DNAH2: variants seen among roughly 807,000 people sequenced by gnomAD.
DNAH2 encodes the protein dynein axonemal heavy chain 2.
Under a neutral mutation model 523.5 loss-of-function variants are expected in DNAH2, and 323 were observed. The observed-to-expected ratio is 0.62, with a 90% CI of 0.56 to 0.68. The LOEUF (loss-of-function observed/expected upper bound fraction) is 0.68. Among genes scored for constraint, DNAH2 ranks in the 30% least tolerant of loss-of-function variants. The pLI is 0.00. For missense variants in DNAH2, 4,907 were observed against 5,701.5 expected (o/e 0.86, Z 4.49); for synonymous variants, 2,093 against 2,177.4 (o/e 0.96, Z 1.08).
rs754746688 is a variant in DNAH2, at chr17:7,787,018, C to T, written c.6588C>T (p.Ile2196=). The T allele has an allele frequency of 1.3e-5, 21 of 1,613,974 alleles. No homozygotes were observed. In the East Asian group the frequency reaches 1.6e-4, roughly 12 times the overall value. ...KVLTLINGER[I]AMPEQVSLLF... ...TGACCCTCATCAACGGCGAGCGCAT[C>T]GCGATGCCCGAGCAGGTCAGGGACG... Residue 2196 remains isoleucine, a synonymous_variant, in exon 42 of 86, where the codon ATC becomes ATT. Transcript: ENST00000572933.
intron 28 of DNAH2, among the ~76,000 whole-genome samples, chr17:7,774,252 C>T (rs899805609): frequency 1.9e-4 from 29 of 152,078 alleles, no homozygotes; most frequent in African/African-American, 4.6e-4. Flanking sequence ...ATCTGATAAC[C>T]GAGAGGGCTA....
Position 7,786,079 on chromosome 17 carries a change from G to T in DNAH2, c.6130-45G>T, listed in dbSNP as rs749600314. On this transcript the variant is annotated intron_variant, in intron 39 of 85. Coordinates refer to ENST00000572933, the MANE Select transcript of DNAH2 (RefSeq NM_020877.5). This position sits in a 1 kb window ranked among gnomAD's most constrained non-coding sequence, Gnocchi z 7.5. ...GGGAGATTTTGAAAGCCCTTTAAAG[G>T]CCTCATCCTTTTTCTTCTGCTTGCT... 2.5e-6 allele frequency: 4 copies of T among 1,602,550 alleles called. No homozygotes were observed.
At chr17:7,766,532 C>T (rs746764072) in intron 22 of DNAH2, 51 bp downstream of exon 22, 3 of 1,567,056 alleles carry the variant, frequency 1.9e-6, no homozygotes, top group Admixed American at 1.7e-5. Flanking sequence ...GGGGCAGGGA[C>T]AGGAGAATGG....
intron 24 of DNAH2, among the ~76,000 whole-genome samples, chr17:7,769,427 G>T (rs2076257618): frequency 6.6e-6 from 1 of 152,210 alleles, no homozygotes; most frequent in Non-Finnish European, 1.5e-5. Flanking sequence ...CTCCCAAAGT[G>T]CTGGGATTAC....
intron 20 of DNAH2, 107 bp downstream of exon 20, chr17:7,764,380 G>A: frequency 2.1e-6 from 3 of 1,404,184 alleles, no homozygotes; most frequent in Non-Finnish European, 2.9e-6. Flanking sequence ...AGCAGGAGGA[G>A]ACTCTAGATT....
chr17:7,800,441 T>C (rs2077190822), intron 56 of DNAH2, among the ~76,000 whole-genome samples: 1 of 152,208 alleles, frequency 6.6e-6, no homozygotes, highest in Non-Finnish European at 1.5e-5. Context: ...ATTTCCTTCT[T>C]TTTTTAAGGC....
rs1335933956 is a variant in DNAH2, at chr17:7,795,928, C to T, written c.7675-536C>T. 5.6e-5 allele frequency among the ~76,000 whole-genome samples: 8 copies of T among 143,888 alleles called. No homozygotes were observed. In the South Asian group the frequency reaches 1.3e-3, roughly 23 times the overall value. 94.4% of individuals were successfully genotyped at this position (143,888 alleles called of 152,430 possible). A position where few individuals can be genotyped will look rare whatever the true frequency, so the allele number is the denominator to read the frequency against. ...CAGAGAATTGCTTGAACCCGGGAGG[C>T]GGAAGTTGCAGTATAAATAAATAAA... On this transcript the variant is annotated intron_variant, in intron 49 of 85. Coordinates refer to ENST00000572933, the MANE Select transcript of DNAH2 (RefSeq NM_020877.5).
chr17:7,770,611 T>C lies in DNAH2; in HGVS notation c.4153T>C (p.Tyr1385His). ...WDVTQLDIVP[Y>H]KDKGHHRLRG... ...TGTGACTCAGCTCGACATAGTACCC[T>C]ACAAGGATAAGGGCCATCATCGGCT... The change falls in exon 26 of 86, where the codon TAC becomes CAC. Residue 1385 changes from tyrosine to histidine, a missense_variant. Physicochemically the swap from Tyr to His is moderately conservative, Grantham distance 83 (BLOSUM62 2). Transcript: ENST00000572933. 1 of 1,614,120 alleles carries C rather than the reference T, an allele frequency of 6.2e-7. No homozygotes were observed. Among genetic ancestry groups the C allele is most frequent in the South Asian group, 1.1e-5 (1 of 91,082 alleles).
At position 7,740,721 on chromosome 17, in the gene DNAH2, C is replaced by T. The variant is rs1039398220; in HGVS notation, c.1507-89C>T. The T allele has an allele frequency of 7.5e-5, 115 of 1,540,504 alleles. No homozygotes were observed. The African/African-American group carries it at 1.5e-3, about 20-fold the overall frequency. On this transcript the variant is annotated intron_variant, in intron 10 of 85. Transcript: ENST00000572933. ...GGCGTCCCCGGGAGTGTGACTCCCG[C>T]AGCGGGGTGCAGCTTTCCTCTGGGA...
Position 7,798,043 on chromosome 17 carries a change from T to A in DNAH2, c.8231-114T>A, listed in dbSNP as rs2077114771. The A allele has an allele frequency of 7.0e-7, 1 of 1,432,608 alleles. No homozygotes were observed. The highest frequency in any genetic ancestry group is 2.3e-5 in the Admixed American group (1 of 43,840). The allele number at this position is 1,432,608 out of a possible 1,614,324, so 88.7% of individuals were successfully genotyped here. On this transcript the variant is annotated intron_variant, in intron 53 of 85. Coordinates refer to ENST00000572933, the MANE Select transcript of DNAH2 (RefSeq NM_020877.5). This position sits in a 1 kb window ranked among gnomAD's most constrained non-coding sequence, Gnocchi z 5.5. ...GGCCTTGGGCACCAACTTCTTCTCA[T>A]ACCTCTTGGTTCCTCTGCTTCAGTT... is the stretch of plus-strand genomic sequence containing the variant.
chr17:7,796,865 A>G (rs913343955), intron 50 of DNAH2, among the ~76,000 whole-genome samples: 1 of 149,436 alleles, frequency 6.7e-6, no homozygotes, highest in Non-Finnish European at 1.5e-5. Context: ...CAACGCAGGC[A>G]GATCACCTGA....
In DNAH2 at chr17:7,809,412, A is replaced by C. The variant is rs148815773; in HGVS notation, c.9729+1826A>C. On this transcript the variant is annotated intron_variant, in intron 63 of 85. Transcript: ENST00000572933. ...GAGGCCTCTTCTGTGCAGGGAACTCACCCAGGTTGGGTGAACGGGGCTTCT... is the reference window on the plus strand; with the variant it reads ...GAGGCCTCTTCTGTGCAGGGAACTCCCCCAGGTTGGGTGAACGGGGCTTCT... 5.1e-3 allele frequency among the ~76,000 whole-genome samples: 771 copies of C among 151,936 alleles called. 10 individuals are homozygous for C. The highest frequency in any genetic ancestry group is 0.017 in the African/African-American group (719 of 41,422).
intron 72 of DNAH2, among the ~76,000 whole-genome samples, chr17:7,819,927 C>G (rs554212337): frequency 1.3e-5 from 2 of 152,134 alleles, no homozygotes; most frequent in Non-Finnish European, 2.9e-5. Flanking sequence ...GCACCAACAC[C>G]CACAACCCAG....
At chr17:7,779,054 A>C (rs2076535156) in intron 35 of DNAH2, among the ~76,000 whole-genome samples, 189 bp from the exon 36 acceptor site, 2 of 152,126 alleles carry the variant, frequency 1.3e-5, no homozygotes, top group South Asian at 4.1e-4. Context: ...GCATCACCCC[A>C]GATTGGCCCC....
At chr17:7,800,260 T>C (rs542646337) in intron 56 of DNAH2, among the ~76,000 whole-genome samples, 5 of 152,184 alleles carry the variant, frequency 3.3e-5, no homozygotes, top group Admixed American at 2.0e-4. Flanking sequence ...CATGTTGGTC[T>C]GGCTGATCTC....
chr17:7,812,233 G>A (rs1355220559), intron 63 of DNAH2, among the ~76,000 whole-genome samples: 2 of 152,166 alleles, frequency 1.3e-5, no homozygotes, highest in Non-Finnish European at 2.9e-5. Flanking sequence ...TGGATCGGGG[G>A]TTATAAATCC....
intron 50 of DNAH2, 46 bp from the exon 51 acceptor site, chr17:7,797,130 G>A (rs747004330): frequency 1.1e-5 from 16 of 1,497,724 alleles, no homozygotes; most frequent in Middle Eastern, 1.7e-4. Flanking sequence ...AACTTCTGGA[G>A]GGAATCTTTT....
Position 7,807,957 on chromosome 17 carries a change from T to G in DNAH2, c.9729+371T>G, listed in dbSNP as rs1439398911. Among the ~76,000 whole-genome samples, 1 of 152,190 alleles carries G rather than the reference T, an allele frequency of 6.6e-6. No individual in the cohort carries two copies. Among genetic ancestry groups the G allele is most frequent in the Non-Finnish European group, 1.5e-5 (1 of 68,022 alleles). ...GGGTCAAGAGTGTCTGTGTCGCTTC[T>G]GTGGACCAAGAACAACGTGAGGGTG... On this transcript the variant is annotated intron_variant, in intron 63 of 85. Coordinates refer to ENST00000572933, the MANE Select transcript of DNAH2 (RefSeq NM_020877.5). This position sits in a 1 kb window ranked among gnomAD's most constrained non-coding sequence, Gnocchi z 5.6.
intron 35 of DNAH2, among the ~76,000 whole-genome samples, 200 bp from the exon 36 acceptor site, chr17:7,779,026 CAACCCACACCTTTTCTA>C (rs1293446432): frequency 6.6e-6 from 1 of 152,178 alleles, no homozygotes; most frequent in Non-Finnish European, 1.5e-5. Context: ...AGTCTCTTTC[CAACCCACACCTTTTCTA>C]GCATCACCCC....
Sources: gnomAD v4.1 joint callset for allele counts (sites outside exome capture counted in the v4.1 genomes callset) on GRCh38, gnomAD v4.1.1 for gene constraint, Gnocchi (gnomAD v3.1) non-coding constraint, MANE v1.5 for transcripts, NCBI Gene and HGNC (gene_info 2026-07-23, HGNC 2026-07-21) for gene names.